Variants in TMEM232 observed in about 807,000 individuals in gnomAD.
TMEM232 encodes transmembrane protein 232.
Under a neutral mutation model 78.8 loss-of-function variants are expected in TMEM232, and 80 were observed. The observed-to-expected ratio is 1.01, with a 90% confidence interval of 0.85 to 1.22. TMEM232 has a LOEUF of 1.22. Ranked by LOEUF, TMEM232 falls within the 50% of genes most tolerant of loss-of-function variation. The pLI, the probability that TMEM232 is intolerant of heterozygous loss-of-function variation, is 0.00. For missense variants in TMEM232, 881 were observed against 742.2 expected (o/e 1.19, Z -2.17); for synonymous variants, 297 against 254.3 (o/e 1.17, Z -1.60).
At chr5:110,467,076 C>T (rs1384078344) in intron 12 of TMEM232, among the ~76,000 whole-genome samples, 1 of 151,626 alleles carries the variant, frequency 6.6e-6, no homozygotes, top group Admixed American at 6.6e-5. Context: ...TGGTTATAAT[C>T]AGAAAAAAAA....
At chr5:110,613,013 G>T (rs1465994165) in intron 8 of TMEM232, among the ~76,000 whole-genome samples, 1 of 152,172 alleles carries the variant, frequency 6.6e-6, no homozygotes, top group East Asian at 1.9e-4. Flanking sequence ...CTTATCTCCA[G>T]CTATGGGCAG....
chr5:110,683,841 G>T (rs368888563), intron 1 of TMEM232, among the ~76,000 whole-genome samples: 1 of 151,824 alleles, frequency 6.6e-6, no homozygotes, highest in African/African-American at 2.4e-5. Context: ...CAATAAAAAA[G>T]AATTCATTAT....
At chr5:110,535,635 C>T (rs996695550) in intron 11 of TMEM232, among the ~76,000 whole-genome samples, 1 of 152,068 alleles carries the variant, frequency 6.6e-6, no homozygotes, top group African/African-American at 2.4e-5. Flanking sequence ...CCTTTTTTTA[C>T]TCAAAATATA....
intron 6 of TMEM232, 100 bp from the exon 7 acceptor site, chr5:110,625,533 T>G: frequency 2.8e-6 from 3 of 1,088,244 alleles, no homozygotes; most frequent in Non-Finnish European, 3.7e-6. Flanking sequence ...ATTCAGTACT[T>G]AGATGCAGAA....
chr5:110,483,709 C>T (rs1332888340), intron 12 of TMEM232, among the ~76,000 whole-genome samples: 1 of 151,860 alleles, frequency 6.6e-6, no homozygotes, highest in Non-Finnish European at 1.5e-5. Flanking sequence ...TGTAACTAAC[C>T]TGCACGTTGT....
At chr5:110,538,282 A>G (rs1373764123) in intron 11 of TMEM232, among the ~76,000 whole-genome samples, 2 of 152,172 alleles carry the variant, frequency 1.3e-5, no homozygotes, top group African/African-American at 4.8e-5. Flanking sequence ...TCCACCACGG[A>G]CATTAGACTT....
chr5:110,730,303 T>C (rs1000699158), upstream of TMEM232, among the ~76,000 whole-genome samples: 1 of 152,172 alleles, frequency 6.6e-6, no homozygotes, highest in Non-Finnish European at 1.5e-5. Flanking sequence ...GAAAAAACTA[T>C]AGCCATGAAA....
chr5:110,697,001 G>C (rs1794871142), intron 1 of TMEM232, among the ~76,000 whole-genome samples: 1 of 152,124 alleles, frequency 6.6e-6, no homozygotes, highest in Non-Finnish European at 1.5e-5. Flanking sequence ...TCAATTCTGA[G>C]CCAAAAGAAC....
chr5:110,399,377 T>G (rs1372969223), intron 2 of TMEM232, among the ~76,000 whole-genome samples: 1 of 152,174 alleles, frequency 6.6e-6, no homozygotes, highest in Non-Finnish European at 1.5e-5. Context: ...CGAAGTTTTT[T>G]GAAATCTGTG....
chr5:110,528,542 A>G, intron 12 of TMEM232, 46 bp downstream of exon 12: 1 of 1,411,150 alleles, frequency 7.1e-7, no homozygotes, highest in Non-Finnish European at 9.2e-7. Context: ...TGTGATTTTG[A>G]ATTGTAATGT....
intron 6 of TMEM232, among the ~76,000 whole-genome samples, chr5:110,626,496 C>T (rs551643690): frequency 3.3e-5 from 5 of 151,970 alleles, no homozygotes; most frequent in Admixed American, 6.6e-5. Flanking sequence ...ACCTCCATGA[C>T]TTTTTTCATC....
chr5:110,727,196 A>G (rs977103393), upstream of TMEM232, among the ~76,000 whole-genome samples: 2 of 144,984 alleles, frequency 1.4e-5, no homozygotes, highest in African/African-American at 5.1e-5. Context: ...ATTATCTAAT[A>G]TAAGTCCTTT....
chr5:110,583,652 A>G lies in TMEM232; in HGVS notation c.1277-15027T>C, dbSNP rs137939639. ...GTTCAAGTGGAACTACATCAAATAAAAAAGCTTCTGTACAACAAAAGAAAA... is the reference window on the plus strand; with the variant it reads ...GTTCAAGTGGAACTACATCAAATAAGAAAGCTTCTGTACAACAAAAGAAAA... On this transcript the variant is annotated intron_variant, in intron 10 of 13. Transcript: ENST00000455884. Among the ~76,000 whole-genome samples, 969 of 152,076 alleles carry G rather than the reference A, an allele frequency of 6.4e-3. 19 individuals carry two copies. The highest frequency in any genetic ancestry group is 0.022 in the African/African-American group (897 of 41,554).
At chr5:110,406,640 A>C (rs1378384473) in intron 2 of TMEM232, among the ~76,000 whole-genome samples, 1 of 152,102 alleles carries the variant, frequency 6.6e-6, no homozygotes, top group Non-Finnish European at 1.5e-5. Context: ...AGTACGTTTC[A>C]AGGTATGAAC....
At chr5:110,688,244 T>C (rs1793673344) in intron 1 of TMEM232, among the ~76,000 whole-genome samples, 1 of 152,138 alleles carries the variant, frequency 6.6e-6, no homozygotes, top group Admixed American at 6.6e-5. Context: ...GAGACATAGG[T>C]AGTTGGATAG....
chr5:110,584,050 G>GGAAT (rs906002082), intron 10 of TMEM232, among the ~76,000 whole-genome samples: 1 of 150,876 alleles, frequency 6.6e-6, no homozygotes, highest in African/African-American at 2.4e-5. Context: ...ACTACTGGTA[G>GGAAT]GAATGCAAAG....
chr5:110,404,812 A>T (rs1755726589), intron 2 of TMEM232, among the ~76,000 whole-genome samples: 1 of 152,066 alleles, frequency 6.6e-6, no homozygotes, highest in Non-Finnish European at 1.5e-5. Flanking sequence ...TACCTAGGGA[A>T]CAGCTCCTGG....
At chr5:110,559,935 T>C (rs1775551340) in intron 11 of TMEM232, among the ~76,000 whole-genome samples, 1 of 152,172 alleles carries the variant, frequency 6.6e-6, no homozygotes, top group Non-Finnish European at 1.5e-5. Context: ...TGTCTCCACA[T>C]GGCTCTATCC....
At chr5:110,407,405 T>C (rs1755831972) in intron 2 of TMEM232, among the ~76,000 whole-genome samples, 1 of 152,042 alleles carries the variant, frequency 6.6e-6, no homozygotes. Flanking sequence ...TATAAACAGA[T>C]TACAAATCTA....
Sources: gnomAD v4.1 joint callset for allele counts (sites outside exome capture counted in the v4.1 genomes callset) on GRCh38, gnomAD v4.1.1 for gene constraint, MANE v1.5 for transcripts, NCBI Gene and HGNC (gene_info 2026-07-23, HGNC 2026-07-21) for gene names.